The following BLTP1 variants were observed in gnomAD, a reference collection of about 807,000 sequenced individuals.
BLTP1 encodes bridge-like lipid transfer protein family member 1.
chr4:122,193,330 T>A, the BLTP1 span, among the ~76,000 whole-genome samples: 1 of 152,036 alleles, frequency 6.6e-6, no homozygotes, highest in Non-Finnish European at 1.5e-5. Context: ...AAGAAGGCTG[T>A]TTGGTTGAGG....
chr4:122,303,150 C>CT, the BLTP1 span, among the ~76,000 whole-genome samples: 155 of 152,302 alleles, frequency 1.0e-3, 1 homozygote, highest in Non-Finnish European at 3.1e-4. Context: ...CAGCTGGTGA[C>CT]TTTAAGTGGA....
At chr4:122,218,653 C>T in the BLTP1 span, among the ~76,000 whole-genome samples, 31 of 151,706 alleles carry the variant, frequency 2.0e-4, no homozygotes, top group Non-Finnish European at 4.1e-4. Flanking sequence ...TTATTTACTA[C>T]TGAGAGATCA....
At chr4:122,349,366 CAA>C in the BLTP1 span, 1 of 1,560,976 alleles carries the variant, frequency 6.4e-7, no homozygotes, top group South Asian at 1.2e-5. This position sits in a 1 kb window ranked among gnomAD's most constrained non-coding sequence, Gnocchi z 4.5. Context: ...ATATATATAT[CAA>C]AAAAAATGCT....
chr4:122,199,427 C>G, the BLTP1 span: 7 of 1,613,290 alleles, frequency 4.3e-6, no homozygotes, highest in Non-Finnish European at 5.9e-6. Flanking sequence ...ATATCGGACC[C>G]TTTTAGAAGC....
At chr4:122,161,651 C>T in the BLTP1 span, among the ~76,000 whole-genome samples, 8 of 152,104 alleles carry the variant, frequency 5.3e-5, 1 homozygote, top group South Asian at 8.3e-4. Flanking sequence ...AGGCTGGTCT[C>T]CTGGGCTCAA....
At chr4:122,331,767 G>A in the BLTP1 span, 1 of 977,670 alleles carries the variant, frequency 1.0e-6, no homozygotes, top group Non-Finnish European at 1.2e-6. Flanking sequence ...ATTTTTGCAA[G>A]TTTTTTAATT....
chr4:122,179,912 C>T, the BLTP1 span: 1 of 985,130 alleles, frequency 1.0e-6, no homozygotes, highest in South Asian at 4.7e-5. Context: ...GGTACCATTC[C>T]AGATCAATGG....
chr4:122,239,593 G>A, the BLTP1 span: 2 of 1,614,002 alleles, frequency 1.2e-6, no homozygotes, highest in Non-Finnish European at 1.7e-6. Flanking sequence ...TCTCCTCTTA[G>A]ATCTCCCTTG....
chr4:122,218,353 A>C, the BLTP1 span, among the ~76,000 whole-genome samples: 9 of 152,170 alleles, frequency 5.9e-5, no homozygotes, highest in Non-Finnish European at 1.2e-4. Context: ...GCAGGTTTCA[A>C]GTGGCATCTG....
At chr4:122,246,149 T>C in the BLTP1 span, 1 of 1,566,112 alleles carries the variant, frequency 6.4e-7, no homozygotes. Context: ...ACGATCTTTT[T>C]AGTTATCTTC....
At chr4:122,286,812 T>C in the BLTP1 span, 1 of 1,588,788 alleles carries the variant, frequency 6.3e-7, no homozygotes, top group Admixed American at 1.7e-5. Context: ...ATTTTCTTAC[T>C]CTTCGTAATT....
the BLTP1 span, chr4:122,224,020 C>T: frequency 1.0e-6 from 1 of 978,432 alleles, no homozygotes. Context: ...TAAGAAAACT[C>T]TCCTTGTATT....
At chr4:122,291,450 T>C in the BLTP1 span, among the ~76,000 whole-genome samples, 1 of 152,274 alleles carries the variant, frequency 6.6e-6, no homozygotes, top group Non-Finnish European at 1.5e-5. Context: ...TCAGTTATTT[T>C]CCTAATTTTT....
the BLTP1 span, chr4:122,239,631 C>T: frequency 7.4e-6 from 12 of 1,613,946 alleles, no homozygotes; most frequent in Admixed American, 1.7e-5. Context: ...CTGTTCCACC[C>T]GTCTTGGAAG....
the BLTP1 span, chr4:122,304,714 T>A: frequency 1.9e-6 from 3 of 1,540,508 alleles, no homozygotes; most frequent in Admixed American, 4.0e-5. Flanking sequence ...ATTTTATTTA[T>A]CATATACTGA....
the BLTP1 span, chr4:122,246,865 A>G: frequency 6.4e-7 from 1 of 1,573,988 alleles, no homozygotes; most frequent in Non-Finnish European, 8.6e-7. Flanking sequence ...TGTAAAAGCA[A>G]GCCTTGATCA....
At chr4:122,211,219 T>C in the BLTP1 span, 1 of 827,214 alleles carries the variant, frequency 1.2e-6, no homozygotes, top group Non-Finnish European at 1.8e-6. Flanking sequence ...ATATACCAGA[T>C]ATGTTGACTG....
At chr4:122,341,627 A>C in the BLTP1 span, 1 of 927,770 alleles carries the variant, frequency 1.1e-6, no homozygotes, top group Non-Finnish European at 1.3e-6. Flanking sequence ...AATGAATAGC[A>C]CCCCTCATTT....
chr4:122,267,320 A>G, the BLTP1 span, among the ~76,000 whole-genome samples: 3 of 152,058 alleles, frequency 2.0e-5, no homozygotes, highest in African/African-American at 7.2e-5. Context: ...CGGCCTCCCA[A>G]AGTGCTGGGA....
Sources: gnomAD v4.1 joint callset for allele counts (sites outside exome capture counted in the v4.1 genomes callset) on GRCh38, gnomAD v4.1.1 for gene constraint, Gnocchi (gnomAD v3.1) non-coding constraint, MANE v1.5 for transcripts, NCBI Gene and HGNC (gene_info 2026-07-23, HGNC 2026-07-21) for gene names.